Variants in PPA2 observed in about 807,000 individuals in gnomAD.
The protein encoded by PPA2 is inorganic pyrophosphatase 2, also known as inorganic pyrophosphatase 2, mitochondrial.
PPA2 carries 48 observed loss-of-function variants against 49.5 expected under a neutral mutation model. That is an observed-to-expected ratio of 0.97 (90% CI 0.77 to 1.23). The LOEUF is 1.23. Among genes scored for constraint, PPA2 ranks in the 50% most tolerant of loss-of-function variants. PPA2 has a pLI of 0.00. For synonymous variants in PPA2, 131 were observed against 139.9 expected (o/e 0.94, Z 0.45); for missense variants, 429 against 410.1 (o/e 1.05, Z -0.40).
intron 5 of PPA2, among the ~76,000 whole-genome samples, chr4:105,443,624 CACACACACACACAG>C (rs1553928504): frequency 1.0e-5 from 1 of 95,524 alleles, no homozygotes; most frequent in Admixed American, 1.3e-4. Flanking sequence ...CACACACACA[CACACACACACACAG>C]ACTCTCTCTC....
chr4:105,376,535 T>C (rs1733260211), intron 10 of PPA2, among the ~76,000 whole-genome samples: 1 of 152,156 alleles, frequency 6.6e-6, no homozygotes, highest in East Asian at 1.9e-4. Context: ...AATCTGTCGA[T>C]GAATAGGCAA....
At chr4:105,424,700 A>G (rs1297479389) in intron 6 of PPA2, among the ~76,000 whole-genome samples, 2 of 152,194 alleles carry the variant, frequency 1.3e-5, no homozygotes, top group African/African-American at 4.8e-5. Flanking sequence ...TTTCTGCTCA[A>G]TACACATTCC....
intron 10 of PPA2, among the ~76,000 whole-genome samples, chr4:105,382,905 G>T (rs1374960918): frequency 6.6e-6 from 1 of 152,100 alleles, no homozygotes; most frequent in African/African-American, 2.4e-5. Context: ...GGAGGATGAG[G>T]TGGGAGGATC....
intron 10 of PPA2, among the ~76,000 whole-genome samples, chr4:105,377,734 C>A (rs762296044): frequency 6.6e-6 from 1 of 152,070 alleles, no homozygotes; most frequent in African/African-American, 2.4e-5. Context: ...TCTCTCTGAT[C>A]TGGTCTGCAT....
intron 10 of PPA2, among the ~76,000 whole-genome samples, chr4:105,384,952 T>C (rs567551832): frequency 2.6e-5 from 4 of 152,284 alleles, no homozygotes; most frequent in Non-Finnish European, 5.9e-5. Flanking sequence ...CAATCTCATC[T>C]CCTCCTTTCT....
rs76450165 is a variant in PPA2, at chr4:105,464,791, A to G, written c.158-8046T>C. 3.2e-4 allele frequency among the ~76,000 whole-genome samples: 48 copies of G among 152,326 alleles called. No homozygotes were observed. The East Asian group carries it at 9.3e-3, about 29-fold the overall frequency. ...CCATGATTGTGAGGCCTCCCCAGCC[A>G]TGTGGAACTGTAAGTCCAATAAACC... On this transcript the variant is annotated intron_variant, in intron 1 of 11. Transcript: ENST00000341695.
At chr4:105,449,443 T>G (rs952089180) in intron 3 of PPA2, 40 bp from the exon 4 acceptor site, 8 of 1,362,280 alleles carry the variant, frequency 5.9e-6, no homozygotes, top group Non-Finnish European at 8.2e-6. Context: ...CATTAAAAAT[T>G]TTACCTTTTA....
intron 8 of PPA2, 53 bp from the exon 9 acceptor site, chr4:105,396,387 T>G: frequency 8.1e-7 from 1 of 1,236,440 alleles, no homozygotes; most frequent in Admixed American, 2.2e-5. Context: ...AGTCACATTG[T>G]TACACTAACA....
intron 7 of PPA2, among the ~76,000 whole-genome samples, chr4:105,416,128 A>G (rs1205457811): frequency 6.6e-6 from 1 of 152,238 alleles, no homozygotes; most frequent in Non-Finnish European, 1.5e-5. Context: ...GAGCTTTATC[A>G]AACTATATAA....
chr4:105,461,631 GGGTTCCCTT>G (rs1470475749), intron 1 of PPA2, among the ~76,000 whole-genome samples: 3 of 152,166 alleles, frequency 2.0e-5, no homozygotes, highest in African/African-American at 7.2e-5. Flanking sequence ...GGTTTCTCTA[GGGTTCCCTT>G]GGCCAAAAGG....
chr4:105,450,903 T>G (rs1465707035), intron 3 of PPA2, among the ~76,000 whole-genome samples: 2 of 152,196 alleles, frequency 1.3e-5, no homozygotes, highest in Admixed American at 6.5e-5. Flanking sequence ...CACCGCGCCC[T>G]GCCAACACTT....
chr4:105,443,240 TACC>T (rs1724446054), intron 5 of PPA2, among the ~76,000 whole-genome samples: 3 of 152,050 alleles, frequency 2.0e-5, no homozygotes, highest in Non-Finnish European at 4.4e-5. Flanking sequence ...GCCATGTGCA[TACC>T]TGGAAAGGAG....
At chr4:105,404,028 T>C (rs951422271) in intron 7 of PPA2, among the ~76,000 whole-genome samples, 2 of 152,028 alleles carry the variant, frequency 1.3e-5, no homozygotes, top group African/African-American at 2.4e-5. Context: ...AGTAAGTTAA[T>C]AGTAATGATA....
intron 2 of PPA2, chr4:105,456,261 A>C: frequency 2.1e-6 from 1 of 470,394 alleles, no homozygotes; most frequent in Non-Finnish European, 4.3e-6. Context: ...ATCTTAGACA[A>C]GTCTATAAAA....
chr4:105,469,138 G>A (rs935452866), intron 1 of PPA2, among the ~76,000 whole-genome samples: 1 of 152,052 alleles, frequency 6.6e-6, no homozygotes, highest in Non-Finnish European at 1.5e-5. Flanking sequence ...ACTTTAATAG[G>A]ATATTTATTA....
chr4:105,386,792 T>C (rs531763903), intron 9 of PPA2, among the ~76,000 whole-genome samples, 156 bp from the exon 10 acceptor site: 149 of 152,328 alleles, frequency 9.8e-4, no homozygotes, highest in African/African-American at 3.2e-3. Flanking sequence ...ATGAAAATTA[T>C]TGTATATTCT....
intron 1 of PPA2, among the ~76,000 whole-genome samples, chr4:105,471,116 C>A (rs577753054): frequency 2.0e-5 from 3 of 152,060 alleles, no homozygotes; most frequent in Non-Finnish European, 2.9e-5. Context: ...ACCATGAAAC[C>A]CTCTGTTTTA....
intron 7 of PPA2, among the ~76,000 whole-genome samples, chr4:105,404,897 T>A (rs192645501): frequency 0.012 from 1,776 of 152,076 alleles, 45 homozygotes; most frequent in African/African-American, 0.041. Flanking sequence ...CTGGCTAACA[T>A]GGTGAAACCC....
chr4:105,449,503 C>A, intron 3 of PPA2, 100 bp from the exon 4 acceptor site: 1 of 672,016 alleles, frequency 1.5e-6, no homozygotes, highest in Non-Finnish European at 2.4e-6. Flanking sequence ...TTTCCCCCGA[C>A]AAAAAAAATG....
Sources: gnomAD v4.1 joint callset for allele counts (sites outside exome capture counted in the v4.1 genomes callset) on GRCh38, gnomAD v4.1.1 for gene constraint, MANE v1.5 for transcripts, NCBI Gene and HGNC (gene_info 2026-07-23, HGNC 2026-07-21) for gene names.